The following G3BP1 variants were observed in gnomAD, a reference collection of about 807,000 sequenced individuals.
G3BP1 encodes ras GTPase-activating protein-binding protein 1.
In G3BP1, 35 loss-of-function variants were observed where a neutral mutation model predicts 58.6. The ratio of observed to expected loss-of-function variants is 0.60; its 90% CI spans 0.46 to 0.79. The LOEUF is 0.79. Ranked by LOEUF, G3BP1 falls within the 30% of genes least tolerant of loss-of-function variation. G3BP1 has a pLI of 0.00. For synonymous variants in G3BP1, 191 were observed against 195.4 expected (o/e 0.98, Z 0.19); for missense variants, 523 against 580.8 (o/e 0.90, Z 1.02).
chr5:151,801,184 A>C (rs1762843283), intron 11 of G3BP1, among the ~76,000 whole-genome samples: 1 of 152,192 alleles, frequency 6.6e-6, no homozygotes, highest in African/African-American at 2.4e-5. Context: ...ATGAAATACA[A>C]ACCTACTTCT....
chr5:151,794,556 C>A (rs1762717790), intron 5 of G3BP1, among the ~76,000 whole-genome samples: 1 of 152,192 alleles, frequency 6.6e-6, no homozygotes, highest in African/African-American at 2.4e-5. Flanking sequence ...CTAGGTGATA[C>A]TTCTACTGCA....
At chr5:151,794,599 T>G (rs1561535502) in intron 5 of G3BP1, among the ~76,000 whole-genome samples, 1 of 152,216 alleles carries the variant, frequency 6.6e-6, no homozygotes, top group Non-Finnish European at 1.5e-5. Context: ...GACACTGAGT[T>G]TAGGGAACCC....
intron 1 of G3BP1, among the ~76,000 whole-genome samples, chr5:151,774,188 A>G (rs1033241537): frequency 6.6e-6 from 1 of 152,200 alleles, no homozygotes; most frequent in Non-Finnish European, 1.5e-5. Context: ...ACAAAAGTCT[A>G]AGCTTTTGTA....
chr5:151,790,772 G>A (rs1762637443), intron 3 of G3BP1, 117 bp from the exon 4 acceptor site: 1 of 637,910 alleles, frequency 1.6e-6, no homozygotes. Context: ...TGCATATCCT[G>A]TAATTTAAAT....
At chr5:151,795,616 C>T (rs748533314) in intron 6 of G3BP1, 41 bp downstream of exon 6, 19 of 919,872 alleles carry the variant, frequency 2.1e-5, no homozygotes, top group Non-Finnish European at 3.0e-5. Flanking sequence ...TGCATAAGAA[C>T]TTGCATTGTC....
At chr5:151,783,484 T>A (rs1008707696) in intron 1 of G3BP1, among the ~76,000 whole-genome samples, 1 of 151,966 alleles carries the variant, frequency 6.6e-6, no homozygotes, top group Non-Finnish European at 1.5e-5. Context: ...CTTGGCTCGC[T>A]GCAACCTCTG....
rs1250336506 is a variant in G3BP1 at position 151,805,088 on chromosome 5, A to AT, written c.*998dup. ...AATGCCTTTGAAGACAGATGCTTCT[A>AT]TAGAGGTTCTTTGACCTAAATAGTT... On this transcript the variant is annotated 3_prime_UTR_variant, in exon 12 of 12. Coordinates refer to ENST00000356245, the MANE Select transcript of G3BP1 (RefSeq NM_005754.3). The AT allele has an allele frequency of 1.3e-5, 2 of 152,640 alleles. No individual in the cohort carries two copies. The highest frequency in any genetic ancestry group is 1.5e-5 in the Non-Finnish European group (1 of 68,026). The allele number at this position is 152,640 out of a possible 1,614,324, so 9.5% of individuals were successfully genotyped here.
chr5:151,782,849 CTTTTTTTT>C (rs796501774), intron 1 of G3BP1, among the ~76,000 whole-genome samples: 10 of 73,894 alleles, frequency 1.4e-4, no homozygotes, highest in Non-Finnish European at 1.5e-4. Context: ...TGTGACTCAT[CTTTTTTTT>C]TTTTTTTTTT....
intron 1 of G3BP1, among the ~76,000 whole-genome samples, chr5:151,782,308 TG>T (rs1762482943): frequency 6.6e-6 from 1 of 152,156 alleles, no homozygotes; most frequent in African/African-American, 2.4e-5. Flanking sequence ...AAATAAATTT[TG>T]GGGGTTTCCT....
intron 1 of G3BP1, among the ~76,000 whole-genome samples, chr5:151,783,760 C>G (rs2113224278): frequency 6.6e-6 from 1 of 151,984 alleles, no homozygotes; most frequent in East Asian, 1.9e-4. Context: ...AAGAACTTAC[C>G]TAAACATTCT....
At chr5:151,799,400 C>T in intron 8 of G3BP1, 87 bp downstream of exon 8, 2 of 763,880 alleles carry the variant, frequency 2.6e-6, no homozygotes, top group South Asian at 1.4e-5. Context: ...AATGTGAAAA[C>T]TGGTCAGGTG....
At position 151,807,862 on chromosome 5, in the gene G3BP1, T is replaced by C. The variant is rs557007745; in HGVS notation, c.*3771T>C. The stretch of plus-strand genomic sequence containing the variant: ...GCTGAGTGACATTTCTTTTAAATGG[T>C]TGCATTTGTCAAATCTATAAAGATG... On this transcript the variant is annotated 3_prime_UTR_variant, in exon 12 of 12. Coordinates refer to ENST00000356245, the MANE Select transcript of G3BP1 (RefSeq NM_005754.3). 1 of 152,354 alleles carries C rather than the reference T, an allele frequency of 6.6e-6. No individual in the cohort carries two copies. Among genetic ancestry groups the C allele is most frequent in the African/African-American group, 2.4e-5 (1 of 41,584 alleles). 9.4% of individuals were successfully genotyped at this position (152,354 alleles called of 1,614,324 possible).
intron 1 of G3BP1, among the ~76,000 whole-genome samples, chr5:151,784,169 C>T (rs1486000404): frequency 6.6e-6 from 1 of 152,142 alleles, no homozygotes; most frequent in Admixed American, 6.5e-5. Context: ...GATGATAGCT[C>T]ACTGCAGCCT....
intron 7 of G3BP1, 71 bp downstream of exon 7, chr5:151,797,499 A>G (rs902658187): frequency 1.4e-6 from 2 of 1,477,952 alleles, no homozygotes; most frequent in Non-Finnish European, 1.8e-6. Flanking sequence ...GTTCTTTTGT[A>G]TTGCTGTTTG....
At position 151,805,301 on chromosome 5, in the gene G3BP1, G is replaced by C. The variant is rs1368828974; in HGVS notation, c.*1210G>C. 1 of 152,410 alleles carries C rather than the reference G, an allele frequency of 6.6e-6. No individual in the cohort carries two copies. Among genetic ancestry groups the C allele is most frequent in the Non-Finnish European group, 1.5e-5 (1 of 68,000 alleles). 9.4% of individuals were successfully genotyped at this position (152,410 alleles called of 1,614,324 possible). The stretch of plus-strand genomic sequence containing the variant: ...TCTTTTATTGATGGGCATGCAGTGG[G>C]TGTTACTTGGAAATGGCCAATTTTT... On this transcript the variant is annotated 3_prime_UTR_variant, in exon 12 of 12. Coordinates refer to ENST00000356245, the MANE Select transcript of G3BP1 (RefSeq NM_005754.3).
At chr5:151,775,818 AAGAT>A (rs1762360014) in intron 1 of G3BP1, among the ~76,000 whole-genome samples, 1 of 152,244 alleles carries the variant, frequency 6.6e-6, no homozygotes, top group Non-Finnish European at 1.5e-5. Context: ...ACTAAGATAA[AAGAT>A]AGTTGTTAAG....
At position 151,790,312 on chromosome 5, in the gene G3BP1, C is replaced by G; in HGVS notation, c.96-11C>G. 1 of 1,435,288 alleles carries G rather than the reference C, an allele frequency of 7.0e-7. No individual in the cohort carries two copies. Among genetic ancestry groups the G allele is most frequent in the Non-Finnish European group, 9.6e-7 (1 of 1,041,832 alleles). The allele number at this position is 1,435,288 out of a possible 1,614,324, so 88.9% of individuals were successfully genotyped here. ...TGAAGATGACAAGTAAATCATCTTC[C>G]CATTTTACAGATTTTATGGAAAGAA... On this transcript the variant is annotated splice_polypyrimidine_tract_variant and intron_variant, in intron 2 of 11. Transcript: ENST00000356245.
At chr5:151,779,733 A>C (rs925381916) in intron 1 of G3BP1, among the ~76,000 whole-genome samples, 1 of 152,210 alleles carries the variant, frequency 6.6e-6, no homozygotes, top group Admixed American at 6.5e-5. Context: ...CACTTCAGTT[A>C]ACCTGACACT....
At chr5:151,801,630 A>G (rs1762851231) in intron 11 of G3BP1, among the ~76,000 whole-genome samples, 1 of 152,124 alleles carries the variant, frequency 6.6e-6, no homozygotes, top group African/African-American at 2.4e-5. Context: ...TTTTTACTAA[A>G]AGCCATAAGC....
Sources: allele counts gnomAD v4.1 joint callset (sites outside exome capture counted in the v4.1 genomes callset), GRCh38; gene constraint gnomAD v4.1.1; transcripts MANE v1.5; gene names NCBI Gene and HGNC (gene_info 2026-07-23, HGNC 2026-07-21).